The following AJAP1 variants were observed in gnomAD, a reference collection of about 807,000 sequenced individuals.
The protein encoded by AJAP1 is adherens junctions associated protein 1.
A neutral mutation model predicts 35.0 loss-of-function variants in AJAP1; 5 were observed. The ratio of observed to expected loss-of-function variants is 0.14; its 90% CI spans 0.07 to 0.30. The LOEUF (loss-of-function observed/expected upper bound fraction) is 0.30, where lower values mean the gene tolerates loss of function less well. AJAP1 is among the 10% of genes least tolerant of loss of function. The pLI is 1.00. For synonymous variants in AJAP1, 284 were observed against 249.3 expected, an observed-to-expected ratio of 1.14 and a Z score of -1.31; for missense variants, 586 against 571.0, an observed-to-expected ratio of 1.03 and a Z score of -0.27.
At chr1:4,760,633 G>A (rs773741065) in intron 2 of AJAP1, among the ~76,000 whole-genome samples, 8 of 152,200 alleles carry the variant, frequency 5.3e-5, no homozygotes, top group Non-Finnish European at 1.0e-4. Context: ...CTGTTGGGCC[G>A]CATTCTCTGA....
In AJAP1 at chr1:4,782,202, C is replaced by A. The variant is rs1043136233; in HGVS notation, c.*60-343C>A. 6.6e-6 allele frequency among the ~76,000 whole-genome samples: 1 copy of A among 152,260 alleles called. No individual in the cohort carries two copies. Reference sequence around the variant, plus strand: ...GGCCCCCTGACATGCACGCCTGGGACCGGATGCCCCGGCACCCCCACCATG... The same window carrying A: ...GGCCCCCTGACATGCACGCCTGGGAACGGATGCCCCGGCACCCCCACCATG... On this transcript the variant is annotated intron_variant, in intron 5 of 5. Coordinates refer to ENST00000378191, the MANE Select transcript of AJAP1 (RefSeq NM_018836.4). This position sits in a 1 kb window ranked among gnomAD's most constrained non-coding sequence, Gnocchi z 5.3.
At chr1:4,760,563 G>T (rs996023717) in intron 2 of AJAP1, among the ~76,000 whole-genome samples, 2 of 152,164 alleles carry the variant, frequency 1.3e-5, no homozygotes, top group African/African-American at 4.8e-5. Context: ...GATGGCCCAG[G>T]GTCCATGGCT....
intron 2 of AJAP1, among the ~76,000 whole-genome samples, chr1:4,756,371 G>T (rs375611002): frequency 7.9e-5 from 12 of 152,168 alleles, no homozygotes. Context: ...CCTGGGCCAG[G>T]TGTGCGGTAG....
At chr1:4,684,210 C>G (rs1486379659) in intron 1 of AJAP1, among the ~76,000 whole-genome samples, 1 of 152,204 alleles carries the variant, frequency 6.6e-6, no homozygotes, top group African/African-American at 2.4e-5. Context: ...GCATCCCCAG[C>G]TGTTTGGGGG....
rs1047330085 is a variant in AJAP1, at chr1:4,734,945, C to T, written c.829+22246C>T. Reference sequence around the variant, plus strand: ...TGGCAATGTTGTTTCTCGACTCCTCCGTCCATCGCCTGCAAGCTGAGCCGC... The same window carrying T: ...TGGCAATGTTGTTTCTCGACTCCTCTGTCCATCGCCTGCAAGCTGAGCCGC... On this transcript the variant is annotated intron_variant, in intron 2 of 5. Transcript: ENST00000378191. This position sits in a 1 kb window ranked among gnomAD's most constrained non-coding sequence, Gnocchi z 4.3. 1.3e-5 allele frequency among the ~76,000 whole-genome samples: 2 copies of T among 152,210 alleles called. No individual in the cohort carries two copies. Among genetic ancestry groups the T allele is most frequent in the African/African-American group, 2.4e-5 (1 of 41,442 alleles).
At chr1:4,741,458 G>T (rs997294667) in intron 2 of AJAP1, among the ~76,000 whole-genome samples, 4 of 152,162 alleles carry the variant, frequency 2.6e-5, no homozygotes, top group Non-Finnish European at 4.4e-5. Flanking sequence ...CCCTGTGTGT[G>T]TCTGTGGGTC....
chr1:4,705,865 G>A (rs1570134459), intron 1 of AJAP1, among the ~76,000 whole-genome samples: 1 of 152,082 alleles, frequency 6.6e-6, no homozygotes, highest in South Asian at 2.1e-4. Context: ...GACTGAAAAC[G>A]GACGCTAAGC....
intron 2 of AJAP1, among the ~76,000 whole-genome samples, chr1:4,746,052 A>G (rs1193160152): frequency 1.3e-5 from 2 of 152,168 alleles, no homozygotes; most frequent in African/African-American, 4.8e-5. Flanking sequence ...AACAACAGCA[A>G]TTTATTCTTC....
intron 2 of AJAP1, among the ~76,000 whole-genome samples, chr1:4,741,395 G>T (rs937817389): frequency 6.6e-6 from 1 of 152,056 alleles, no homozygotes; most frequent in Non-Finnish European, 1.5e-5. Context: ...AGCTGCTGGC[G>T]TCCCTTGACT....
intron 1 of AJAP1, among the ~76,000 whole-genome samples, chr1:4,685,367 C>G (rs1193586261): frequency 6.6e-6 from 1 of 152,234 alleles, no homozygotes; most frequent in Non-Finnish European, 1.5e-5. Context: ...CTCCACAGCG[C>G]TGAGCACAGC....
intron 2 of AJAP1, among the ~76,000 whole-genome samples, chr1:4,738,561 C>T (rs1430648402): frequency 1.3e-5 from 2 of 151,988 alleles, no homozygotes; most frequent in Non-Finnish European, 2.9e-5. Flanking sequence ...TAGCACAGAG[C>T]AGAAGGGAAG....
chr1:4,776,211 A>G (rs1641937073), intron 5 of AJAP1, among the ~76,000 whole-genome samples: 1 of 152,182 alleles, frequency 6.6e-6, no homozygotes, highest in South Asian at 2.1e-4. Flanking sequence ...CCTCCCAGCA[A>G]TCTCATTTAC....
rs1639792646 is a variant in AJAP1 at position 4,693,616 on chromosome 1, A to G, written c.30-18284A>G. On this transcript the variant is annotated intron_variant, in intron 1 of 5. Coordinates refer to ENST00000378191, the MANE Select transcript of AJAP1 (RefSeq NM_018836.4). This position sits in a 1 kb window ranked among gnomAD's most constrained non-coding sequence, Gnocchi z 4.4. ...GTCAGACTTGATTAGTGCCTGTCTT[A>G]GCCTGTTTTATGCGGCTCTAACAAT... 6.6e-6 allele frequency among the ~76,000 whole-genome samples: 1 copy of G among 152,164 alleles called. No individual in the cohort carries two copies. The highest frequency in any genetic ancestry group is 1.5e-5 in the Non-Finnish European group (1 of 68,020).
chr1:4,772,303 G>A lies in AJAP1; in HGVS notation c.941G>A (p.Arg314His), dbSNP rs267598631. ...AGCTGTGCCCAAAGCGGGAACACTCGTCGGAACAGCCACCAGCGGAAGACC... is the reference window on the plus strand; with the variant it reads ...AGCTGTGCCCAAAGCGGGAACACTCATCGGAACAGCCACCAGCGGAAGACC... Reference protein sequence around the residue: ...KNCCAQSGNTRRNSHQRKTNQ... With the variant: ...KNCCAQSGNTHRNSHQRKTNQ... Residue 314 changes from arginine (R) to histidine (H), a missense_variant, in exon 4 of 6, where the codon CGT becomes CAT. Coordinates refer to ENST00000378191, the MANE Select transcript of AJAP1 (RefSeq NM_018836.4). 26 of 1,613,908 alleles carry A rather than the reference G, an allele frequency of 1.6e-5. No individual in the cohort carries two copies. Among genetic ancestry groups the A allele is most frequent in the East Asian group, 8.9e-5 (4 of 44,862 alleles).
intron 2 of AJAP1, among the ~76,000 whole-genome samples, chr1:4,715,891 G>T (rs182585242): frequency 4.1e-4 from 62 of 152,340 alleles, no homozygotes; most frequent in African/African-American, 1.5e-3. Context: ...TATCATCTCA[G>T]ACACAGCCAG....
intron 1 of AJAP1, among the ~76,000 whole-genome samples, chr1:4,669,624 A>G (rs1462130215): frequency 6.6e-6 from 1 of 152,212 alleles, no homozygotes; most frequent in Non-Finnish European, 1.5e-5. Flanking sequence ...TTACAATTCA[A>G]GGTGAGATTT....
intron 2 of AJAP1, among the ~76,000 whole-genome samples, chr1:4,744,483 A>G (rs898788487): frequency 3.3e-5 from 5 of 152,200 alleles, no homozygotes; most frequent in African/African-American, 9.6e-5. Flanking sequence ...GGGCCTAGCC[A>G]GAAAGACAGG....
rs763565172 is a variant in AJAP1 at position 4,692,168 on chromosome 1, C to T, written c.30-19732C>T. The stretch of plus-strand genomic sequence containing the variant: ...CTTCTCGAGGGTTAGGAGTCAGCCC[C>T]GCTTAATAGGTGAGGAAACTTAGGC... On this transcript the variant is annotated intron_variant, in intron 1 of 5. Coordinates refer to ENST00000378191, the MANE Select transcript of AJAP1 (RefSeq NM_018836.4). The surrounding 1 kb of genome is among the most constrained non-coding windows in gnomAD (Gnocchi z 4.4). Among the ~76,000 whole-genome samples, 12 of 152,164 alleles carry T rather than the reference C, an allele frequency of 7.9e-5. No homozygotes were observed. The highest frequency in any genetic ancestry group is 1.9e-4 in the East Asian group (1 of 5,170).
At position 4,655,555 on chromosome 1, in the gene AJAP1, C is replaced by A; in HGVS notation, c.29+101C>A. 1.4e-6 allele frequency: 2 copies of A among 1,421,462 alleles called. No individual in the cohort carries two copies. Among genetic ancestry groups the A allele is most frequent in the Non-Finnish European group, 1.9e-6 (2 of 1,050,792 alleles). 88.1% of individuals were successfully genotyped at this position (1,421,462 alleles called of 1,614,324 possible). On this transcript the variant is annotated intron_variant, in intron 1 of 5. Transcript: ENST00000378191. This position sits in a 1 kb window ranked among gnomAD's most constrained non-coding sequence, Gnocchi z 6.9. ...TGTTGCAAATCAAGGGACCCCTCTTCGCTTCCCGCAAGCGGGCAACGGGGT... is the reference window on the plus strand; with the variant it reads ...TGTTGCAAATCAAGGGACCCCTCTTAGCTTCCCGCAAGCGGGCAACGGGGT...
Sources: gnomAD v4.1 joint callset for allele counts (sites outside exome capture counted in the v4.1 genomes callset) on GRCh38, gnomAD v4.1.1 for gene constraint, Gnocchi (gnomAD v3.1) non-coding constraint, MANE v1.5 for transcripts, NCBI Gene and HGNC (gene_info 2026-07-23, HGNC 2026-07-21) for gene names.